Variants in UGGT2 observed in about 807,000 individuals in gnomAD.
The protein encoded by UGGT2 is UDP-glucose:glycoprotein glucosyltransferase 2.
UGGT2 carries 180 observed loss-of-function variants against 192.1 expected under a neutral mutation model. The ratio of observed to expected loss-of-function variants is 0.94; its 90% CI spans 0.83 to 1.06. The LOEUF (loss-of-function observed/expected upper bound fraction) is 1.06. Among genes scored for constraint, UGGT2 ranks in the 50% least tolerant of loss-of-function variants. The pLI is 0.00. For missense variants in UGGT2, 1,849 were observed against 1,795.7 expected, an observed-to-expected ratio of 1.03 and a Z score of -0.54; for synonymous variants, 580 against 591.0, an observed-to-expected ratio of 0.98 and a Z score of 0.27.
intron 1 of UGGT2, among the ~76,000 whole-genome samples, 194 bp from the exon 2 acceptor site, chr13:96,032,165 C>G (rs1410475185): frequency 6.6e-6 from 1 of 152,072 alleles, no homozygotes; most frequent in Non-Finnish European, 1.5e-5. Context: ...AGATATCATT[C>G]TCAACTATAA....
chr13:96,034,391 T>C (rs1294437225), intron 1 of UGGT2, among the ~76,000 whole-genome samples: 1 of 152,204 alleles, frequency 6.6e-6, no homozygotes, highest in Non-Finnish European at 1.5e-5. Context: ...GTACTGTCTC[T>C]CAATAAAGCA....
chr13:95,895,559 A>C (rs2047923729), intron 22 of UGGT2, among the ~76,000 whole-genome samples: 1 of 152,038 alleles, frequency 6.6e-6, no homozygotes, highest in African/African-American at 2.4e-5. Flanking sequence ...AATTATTTCC[A>C]TTAGAAAGTT....
At chr13:95,995,545 A>T (rs951795764) in intron 7 of UGGT2, among the ~76,000 whole-genome samples, 2 of 152,098 alleles carry the variant, frequency 1.3e-5, no homozygotes, top group African/African-American at 4.8e-5. Flanking sequence ...AAGCACATAT[A>T]CTTTATCAAC....
chr13:95,881,391 C>T lies in UGGT2; in HGVS notation c.3228+3100G>A, dbSNP rs559478121. Among the ~76,000 whole-genome samples the T allele has an allele frequency of 1.2e-3, 186 of 152,204 alleles. 2 individuals are homozygous for T. Among genetic ancestry groups the T allele is most frequent in the African/African-American group, 4.1e-3 (172 of 41,532 alleles). On this transcript the variant is annotated intron_variant, in intron 27 of 38. Coordinates refer to ENST00000376747, the MANE Select transcript of UGGT2 (RefSeq NM_020121.4). Reference sequence around the variant, plus strand: ...GTTTTGCAGAAGAGACAGAACTCTTCGCTGCAAATGTGACCTTTTCCCAAA... The same window carrying T: ...GTTTTGCAGAAGAGACAGAACTCTTTGCTGCAAATGTGACCTTTTCCCAAA...
intron 7 of UGGT2, 90 bp downstream of exon 7, chr13:95,995,973 G>A (rs781640703): frequency 3.0e-5 from 33 of 1,086,746 alleles, no homozygotes; most frequent in Non-Finnish European, 4.6e-5. Flanking sequence ...ATAAAAGAAA[G>A]GTGAAGCATA....
chr13:95,969,512 G>A (rs1158919084), intron 12 of UGGT2, among the ~76,000 whole-genome samples: 2 of 152,090 alleles, frequency 1.3e-5, no homozygotes, highest in East Asian at 3.9e-4. Flanking sequence ...TTTGAAAAAG[G>A]AATAGGAGTT....
rs1222855581 is a variant in UGGT2 at position 96,013,362 on chromosome 13, A to T, written c.605T>A (p.Leu202Ter). 3 of 1,608,828 alleles carry T rather than the reference A, an allele frequency of 1.9e-6. No individual in the cohort carries two copies. The highest frequency in any genetic ancestry group is 1.7e-6 in the Non-Finnish European group (2 of 1,178,820). ...TTCCTCATTTTGAGCTTTTTCAGAC[A>T]ATACTTTGTGAAATGCACTAAATGT... ...TRTFSAFHKV[L>*]SEKAQNEEIL... Residue 202 changes from leucine (L) to a stop codon, truncating the protein, a stop_gained, in exon 5 of 39, where the codon TTG becomes TAG. Transcript: ENST00000376747. LOFTEE classifies it high-confidence loss of function.
intron 10 of UGGT2, among the ~76,000 whole-genome samples, chr13:95,977,723 C>T (rs1253913986): frequency 6.6e-6 from 1 of 152,154 alleles, no homozygotes; most frequent in Non-Finnish European, 1.5e-5. Context: ...AATCATTCTA[C>T]CATAAAGACA....
Position 95,895,231 on chromosome 13 carries a change from A to C in UGGT2, c.2708T>G (p.Leu903Ter). 1.3e-6 allele frequency: 2 copies of C among 1,580,904 alleles called. No homozygotes were observed. Among genetic ancestry groups the C allele is most frequent in the Non-Finnish European group, 1.7e-6 (2 of 1,166,206 alleles). The part of the protein sequence containing the change: ...YLLEKITFSN[L>*]GEKIKGIVEN... ...AACAATGCCTTTAATTTTCTCTCCTAAATTACTAAATGTTATCTTTTCCAA... is the reference window on the plus strand; with the variant it reads ...AACAATGCCTTTAATTTTCTCTCCTCAATTACTAAATGTTATCTTTTCCAA... The change falls in exon 23 of 39, where the codon TTA becomes TGA. Residue 903 changes from leucine to a stop codon, truncating the protein, a stop_gained. Transcript: ENST00000376747. LOFTEE classifies it high-confidence loss of function.
At position 95,947,089 on chromosome 13, in the gene UGGT2, T is replaced by G. The variant is rs143611675; in HGVS notation, c.1625A>C (p.Asn542Thr). The G allele has an allele frequency of 1.9e-6, 3 of 1,611,924 alleles. No homozygotes were observed. The African/African-American group carries it at 4.0e-5, about 22-fold the overall frequency. ...TATATCAAATTCTTCTGCAATATAG[T>G]TGAAAGCTCGCCAGAGAGCAACTCC... ...DAGVALWRAF[N>T]YIAEEFDISE... Residue 542 changes from asparagine to threonine, a missense_variant, in exon 15 of 39, where the codon AAC (asparagine) becomes ACC (threonine). Coordinates refer to ENST00000376747, the MANE Select transcript of UGGT2 (RefSeq NM_020121.4).
chr13:95,870,958 A>C (rs1891164021), intron 29 of UGGT2, among the ~76,000 whole-genome samples: 1 of 152,252 alleles, frequency 6.6e-6, no homozygotes, highest in South Asian at 2.1e-4. Flanking sequence ...TGCAGCAAGA[A>C]GGCTTCTGCC....
chr13:95,810,927 A>G (rs1594053099), intron 38 of UGGT2, among the ~76,000 whole-genome samples: 1 of 152,196 alleles, frequency 6.6e-6, no homozygotes, highest in Non-Finnish European at 1.5e-5. Context: ...AGAAAACACA[A>G]TTCAAAAATG....
At chr13:95,820,948 C>T (rs1885449396) in intron 38 of UGGT2, among the ~76,000 whole-genome samples, 1 of 151,990 alleles carries the variant, frequency 6.6e-6, no homozygotes, top group Admixed American at 6.6e-5. Flanking sequence ...TATTTTCATT[C>T]CTTTTAGTCC....
intron 38 of UGGT2, among the ~76,000 whole-genome samples, chr13:95,808,863 C>A (rs1884445953): frequency 6.6e-6 from 1 of 152,126 alleles, no homozygotes; most frequent in Non-Finnish European, 1.5e-5. Context: ...ACAGGGAAAT[C>A]CACGAATATG....
At chr13:95,909,165 T>C (rs1236414160) in intron 20 of UGGT2, among the ~76,000 whole-genome samples, 4 of 152,160 alleles carry the variant, frequency 2.6e-5, no homozygotes, top group Admixed American at 6.5e-5. Context: ...TTTCTACATA[T>C]GGCTAGCCAG....
At chr13:96,000,039 G>A (rs992110381) in intron 5 of UGGT2, among the ~76,000 whole-genome samples, 2 of 152,174 alleles carry the variant, frequency 1.3e-5, no homozygotes, top group East Asian at 1.9e-4. Flanking sequence ...GAAGAAACCT[G>A]GATGAACACA....
chr13:95,811,602 G>A (rs1316880608), intron 38 of UGGT2, among the ~76,000 whole-genome samples: 1 of 152,116 alleles, frequency 6.6e-6, no homozygotes, highest in Admixed American at 6.5e-5. Context: ...TTGAATTAGT[G>A]AATTGTAAAG....
chr13:95,900,016 T>C (rs2048057279), intron 22 of UGGT2, among the ~76,000 whole-genome samples: 1 of 152,182 alleles, frequency 6.6e-6, no homozygotes, highest in African/African-American at 2.4e-5. Context: ...CATTTGTTGA[T>C]TTCTTAATAA....
Position 95,911,879 on chromosome 13 carries a change from T to G in UGGT2, c.2296-8819A>C, listed in dbSNP as rs570734795. The stretch of plus-strand genomic sequence containing the variant: ...CAAATCCAGCAGCACATCAAAAAGC[T>G]TATCCACCATGATCAAGTGGGCTTC... On this transcript the variant is annotated intron_variant, in intron 20 of 38. Transcript: ENST00000376747. Among the ~76,000 whole-genome samples, 11 of 152,292 alleles carry G rather than the reference T, an allele frequency of 7.2e-5. No homozygotes were observed. The East Asian group carries it at 1.7e-3, about 24-fold the overall frequency.
Sources: gnomAD v4.1 joint callset for allele counts (sites outside exome capture counted in the v4.1 genomes callset) on GRCh38, gnomAD v4.1.1 for gene constraint, MANE v1.5 for transcripts, NCBI Gene and HGNC (gene_info 2026-07-23, HGNC 2026-07-21) for gene names.